Variants in PRDM5 observed in about 807,000 individuals in gnomAD.
PRDM5 encodes the protein PR domain zinc finger protein 5.
Under a neutral mutation model 81.2 loss-of-function variants are expected in PRDM5, and 56 were observed. The ratio of observed to expected loss-of-function variants is 0.69; its 90% confidence interval spans 0.56 to 0.86. The LOEUF is 0.86. PRDM5 is among the 40% of genes least tolerant of loss of function. The pLI is 0.00. For synonymous variants in PRDM5, 267 were observed against 256.4 expected, an observed-to-expected ratio of 1.04 and a Z score of -0.39; for missense variants, 697 against 770.1, an observed-to-expected ratio of 0.91 and a Z score of 1.12.
chr4:120,732,139 TA>T (rs1053390107), intron 14 of PRDM5, among the ~76,000 whole-genome samples: 3 of 152,180 alleles, frequency 2.0e-5, no homozygotes, highest in African/African-American at 4.8e-5. Flanking sequence ...GGAGGTCATC[TA>T]AAAGACTGGT....
intron 13 of PRDM5, 116 bp downstream of exon 13, chr4:120,777,072 C>G (rs1289846821): frequency 1.6e-5 from 25 of 1,562,670 alleles, no homozygotes; most frequent in Non-Finnish European, 2.1e-5. Context: ...AGAGAGAAAA[C>G]AGCCAAGATT....
intron 3 of PRDM5, among the ~76,000 whole-genome samples, chr4:120,852,618 G>A (rs867749052): frequency 1.3e-4 from 20 of 151,804 alleles, no homozygotes; most frequent in Admixed American, 3.3e-4. Flanking sequence ...AAACTTACCA[G>A]CTCCTATAAT....
At chr4:120,839,770 GCT>G (rs1399754440) in intron 3 of PRDM5, among the ~76,000 whole-genome samples, 2 of 152,136 alleles carry the variant, frequency 1.3e-5, no homozygotes, top group Non-Finnish European at 2.9e-5. Context: ...GAGCCCAGGT[GCT>G]TGTGCCAAGG....
At chr4:120,697,950 A>G (rs11731582) in intron 15 of PRDM5, among the ~76,000 whole-genome samples, 1 of 21,212 alleles carries the variant, frequency 4.7e-5, no homozygotes, top group African/African-American at 6.3e-5. Flanking sequence ...ATAAGTATAC[A>G]AATAAAATAA....
chr4:120,804,305 A>T (rs530987997), intron 8 of PRDM5, among the ~76,000 whole-genome samples: 1 of 151,760 alleles, frequency 6.6e-6, no homozygotes, highest in East Asian at 1.9e-4. Flanking sequence ...GACAGAAGTT[A>T]AAAAGGATAT....
chr4:120,898,756 A>G (rs180845427), intron 2 of PRDM5, among the ~76,000 whole-genome samples: 24 of 152,244 alleles, frequency 1.6e-4, no homozygotes, highest in Admixed American at 3.3e-4. Flanking sequence ...TCTTTATACC[A>G]TATATCACTA....
At chr4:120,771,630 G>A (rs182190758) in intron 13 of PRDM5, among the ~76,000 whole-genome samples, 36 of 152,072 alleles carry the variant, frequency 2.4e-4, no homozygotes, top group African/African-American at 7.7e-4. Flanking sequence ...TTATATCTAC[G>A]AAACTAAGTT....
At chr4:120,903,103 C>T (rs1428507164) in intron 2 of PRDM5, among the ~76,000 whole-genome samples, 1 of 152,322 alleles carries the variant, frequency 6.6e-6, no homozygotes, top group East Asian at 1.9e-4. Context: ...CATCATTTTC[C>T]AGACACTACC....
At chr4:120,809,437 A>G (rs913302040) in intron 8 of PRDM5, among the ~76,000 whole-genome samples, 1 of 152,216 alleles carries the variant, frequency 6.6e-6, no homozygotes, top group African/African-American at 2.4e-5. Flanking sequence ...TAATAAAAAG[A>G]TCATATTTAA....
intron 14 of PRDM5, among the ~76,000 whole-genome samples, chr4:120,742,912 T>G (rs1352635690): frequency 2.6e-5 from 4 of 152,056 alleles, no homozygotes; most frequent in Non-Finnish European, 5.9e-5. Flanking sequence ...ACGTTCAGGT[T>G]CAGGAAATAC....
At chr4:120,762,250 A>G (rs556368011) in intron 13 of PRDM5, 1 of 152,316 alleles carries the variant, frequency 6.6e-6, no homozygotes, top group East Asian at 1.9e-4. Flanking sequence ...CAAATTAAAT[A>G]ATGTTTAAAG....
chr4:120,907,659 G>T (rs1765988611), intron 1 of PRDM5, 102 bp from the exon 2 acceptor site: 3 of 889,012 alleles, frequency 3.4e-6, no homozygotes, highest in Non-Finnish European at 5.7e-6. Flanking sequence ...AAATCTTCAT[G>T]CCCAAAGAAG....
intron 15 of PRDM5, among the ~76,000 whole-genome samples, chr4:120,708,605 C>T (rs28752050): frequency 0.032 from 4,892 of 152,120 alleles, 263 homozygotes; most frequent in African/African-American, 0.11. Flanking sequence ...CACTGAACTG[C>T]TCACATTAAA....
At chr4:120,825,190 G>A (rs1400157953) in intron 3 of PRDM5, among the ~76,000 whole-genome samples, 1 of 152,108 alleles carries the variant, frequency 6.6e-6, no homozygotes. Flanking sequence ...GAAAATAGTA[G>A]TGCCTATCTC....
intron 14 of PRDM5, among the ~76,000 whole-genome samples, chr4:120,712,074 T>C (rs1737073317): frequency 6.6e-6 from 1 of 151,982 alleles, no homozygotes; most frequent in East Asian, 1.9e-4. Flanking sequence ...TTATCTGAGG[T>C]CAGCAGTTTG....
chr4:120,853,558 C>T lies in PRDM5; in HGVS notation c.178-18G>A, dbSNP rs771745841. On this transcript the variant is annotated intron_variant, in intron 2 of 15. Transcript: ENST00000264808. ...CCACGAACCTGAAACATTAAAGGCT[C>T]CTGAGTTTACAATGGAAGTCAGAAT... The T allele has an allele frequency of 1.2e-6, 2 of 1,613,368 alleles. 1 individual carries two copies. Among genetic ancestry groups the T allele is most frequent in the South Asian group, 2.2e-5 (2 of 91,078 alleles).
At chr4:120,818,199 T>C (rs558306139) in intron 5 of PRDM5, 154 bp downstream of exon 5, 4 of 710,436 alleles carry the variant, frequency 5.6e-6, no homozygotes, top group East Asian at 2.7e-5. Context: ...TTAATGACAA[T>C]ACCAATGTAA....
chr4:120,703,588 C>T (rs1735686385), intron 15 of PRDM5, among the ~76,000 whole-genome samples: 1 of 152,146 alleles, frequency 6.6e-6, no homozygotes, highest in South Asian at 2.1e-4. Context: ...CAGCACAGGG[C>T]CTAGGCTTAA....
At chr4:120,846,627 A>C (rs1758679385) in intron 3 of PRDM5, among the ~76,000 whole-genome samples, 1 of 152,196 alleles carries the variant, frequency 6.6e-6, no homozygotes, top group South Asian at 2.1e-4. Flanking sequence ...TGAGATACTC[A>C]CTTTCTTGGA....
Sources: gnomAD v4.1 joint callset for allele counts (sites outside exome capture counted in the v4.1 genomes callset) on GRCh38, gnomAD v4.1.1 for gene constraint, MANE v1.5 for transcripts, NCBI Gene and HGNC (gene_info 2026-07-23, HGNC 2026-07-21) for gene names.